SLPI: variants seen among roughly 807,000 people sequenced by gnomAD.
SLPI encodes the protein secretory leukocyte peptidase inhibitor.
Under a neutral mutation model 14.3 loss-of-function variants are expected in SLPI, and 20 were observed. The observed-to-expected ratio is 1.40, with a 90% CI of 0.99 to 2.04. The LOEUF (loss-of-function observed/expected upper bound fraction) is 2.04. SLPI is among the 30% of genes most tolerant of loss of function. The pLI, the probability that SLPI is intolerant of heterozygous loss-of-function variation, is 0.00. For missense variants in SLPI, 169 were observed against 159.4 expected (o/e 1.06, Z -0.32); for synonymous variants, 68 against 54.8 (o/e 1.24, Z -1.07).
Position 45,253,739 on chromosome 20 carries a change from G to A in SLPI, c.86-6C>T, listed in dbSNP as rs775325835. 6.2e-7 allele frequency: 1 copy of A among 1,613,086 alleles called. No homozygotes were observed. The highest frequency in any genetic ancestry group is 2.2e-5 in the East Asian group (1 of 44,874). On this transcript the variant is annotated splice_polypyrimidine_tract_variant and splice_region_variant and intron_variant, in intron 1 of 3. Coordinates refer to ENST00000338380, the MANE Select transcript of SLPI (RefSeq NM_003064.4). ...ACAGACTCCAGCTTTGAAGGCTTTTGAAGAGAAAGTCAAGAGGTCAGGAGG... is the reference window on the plus strand; with the variant it reads ...ACAGACTCCAGCTTTGAAGGCTTTTAAAGAGAAAGTCAAGAGGTCAGGAGG...
rs748550413 is a variant in SLPI, at chr20:45,254,479, GC to G, written c.64del (p.Ala22LeufsTer70). ...CTTACACTTTCCAGAGCCTTCCACA[GC>G]CCAAGGTGCCAGAGTTCCCAGGGCA... ...LLALGTLAPW[A>X]VEGSGKSFKA... On this transcript the variant is annotated frameshift_variant, in exon 1 of 4. Coordinates refer to ENST00000338380, the MANE Select transcript of SLPI (RefSeq NM_003064.4). LOFTEE classifies it high-confidence loss of function. 1.2e-6 allele frequency: 2 copies of G among 1,614,132 alleles called. No homozygotes were observed. Among genetic ancestry groups the G allele is most frequent in the Non-Finnish European group, 1.7e-6 (2 of 1,179,992 alleles).
At chr20:45,253,205 C>G in intron 2 of SLPI, 54 bp from the exon 3 acceptor site, 1 of 1,577,068 alleles carries the variant, frequency 6.3e-7, no homozygotes, top group African/African-American at 1.3e-5. Context: ...ACAACCCCTC[C>G]CATCCCCACT....
At position 45,254,440 on chromosome 20, in the gene SLPI, C is replaced by T; in HGVS notation, c.85+19G>A. Reference sequence around the variant, plus strand: ...TCTGACCCTGCAGCCCAGATTAGACCAGAGTGACTCCAACTTACACTTTCC... The same window carrying T: ...TCTGACCCTGCAGCCCAGATTAGACTAGAGTGACTCCAACTTACACTTTCC... On this transcript the variant is annotated intron_variant, in intron 1 of 3. Transcript: ENST00000338380. The T allele has an allele frequency of 6.2e-7, 1 of 1,611,416 alleles. No homozygotes were observed. Among genetic ancestry groups the T allele is most frequent in the Non-Finnish European group, 8.5e-7 (1 of 1,177,652 alleles).
At chr20:45,253,788 A>AT in intron 1 of SLPI, 55 bp from the exon 2 acceptor site, 1 of 1,534,794 alleles carries the variant, frequency 6.5e-7, no homozygotes, top group Middle Eastern at 1.9e-4. Flanking sequence ...AGGACCCATC[A>AT]TGCCTCCTGA....
Position 45,253,008 on chromosome 20 carries a change from C to A in SLPI, c.388G>T (p.Val130Leu). The A allele has an allele frequency of 6.2e-7, 1 of 1,613,874 alleles. No individual in the cohort carries two copies. Among genetic ancestry groups the A allele is most frequent in the Non-Finnish European group, 8.5e-7 (1 of 1,179,864 alleles). ...GCCCTCATCCCCTGCTTACCTTTCA[C>A]AGGGGAAACGCAGGATTTCCCACAC... The part of the protein sequence containing the change: ...GMCGKSCVSP[V>L]KA The change falls in exon 3 of 4, where the codon GTG (valine) becomes TTG (leucine). Residue 130 changes from valine to leucine, a missense_variant. By Grantham distance (32) the Val-to-Leu change is conservative. Transcript: ENST00000338380.
rs1186689192 is a variant in SLPI at position 45,252,242 on chromosome 20, A to G, written c.*173T>C. On this transcript the variant is annotated 3_prime_UTR_variant, in exon 4 of 4. Transcript: ENST00000338380. ...AACGAATCACAGAAGCAGGATGTGC[A>G]AAGAGAAATAGGCTCGTTTATTTAT... is the stretch of plus-strand genomic sequence containing the variant. 1.9e-5 allele frequency: 11 copies of G among 584,136 alleles called. No homozygotes were observed. Among genetic ancestry groups the G allele is most frequent in the East Asian group, 3.1e-5 (1 of 31,850 alleles). 36.2% of individuals were successfully genotyped at this position (584,136 alleles called of 1,614,324 possible).
rs774948330 is a variant in SLPI at position 45,253,087 on chromosome 20, A to C, written c.309T>G (p.Asn103Lys). Residue 103 changes from asparagine (N) to lysine (K), a missense_variant, in exon 3 of 4, where the codon AAT (asparagine) becomes AAG (lysine). Asn to Lys is a moderately conservative substitution (Grantham distance 94). Transcript: ENST00000338380. ...YGQCLMLNPPNFCEMDGQCKR... is the reference protein window; with the variant it reads ...YGQCLMLNPPKFCEMDGQCKR... ...TGCACTGGCCATCCATCTCACAGAA[A>C]TTGGGGGGGTTAAGCATCAAACATT... is the stretch of plus-strand genomic sequence containing the variant. 6.2e-7 allele frequency: 1 copy of C among 1,614,150 alleles called. No homozygotes were observed. Among genetic ancestry groups the C allele is most frequent in the South Asian group, 1.1e-5 (1 of 91,074 alleles).
chr20:45,252,903 G>A, intron 3 of SLPI, 99 bp downstream of exon 3: 1 of 1,279,108 alleles, frequency 7.8e-7, no homozygotes. Context: ...TGTGCTTGGA[G>A]TAGGGTTCAG....
Position 45,253,723 on chromosome 20 carries a change from A to G in SLPI, c.96T>C (p.Ala32=). 6.2e-7 allele frequency: 1 copy of G among 1,613,930 alleles called. No individual in the cohort carries two copies. Among genetic ancestry groups the G allele is most frequent in the Non-Finnish European group, 8.5e-7 (1 of 1,179,896 alleles). ...CAGATTTCTTAGGAGGACAGACTCCAGCTTTGAAGGCTTTTGAAGAGAAAG... is the reference window on the plus strand; with the variant it reads ...CAGATTTCTTAGGAGGACAGACTCCGGCTTTGAAGGCTTTTGAAGAGAAAG... ...AVEGSGKSFK[A]GVCPPKKSAQ... Residue 32 remains alanine, a synonymous_variant, in exon 2 of 4, where the codon GCT becomes GCC. Coordinates refer to ENST00000338380, the MANE Select transcript of SLPI (RefSeq NM_003064.4).
intron 3 of SLPI, 115 bp from the exon 4 acceptor site, chr20:45,252,534 T>G: frequency 3.4e-5 from 35 of 1,015,434 alleles, no homozygotes; most frequent in Non-Finnish European, 5.1e-5. Context: ...GATAGCGCTA[T>G]AGTTGAGAGA....
chr20:45,252,924 GC>G (rs1481850223), intron 3 of SLPI, 77 bp downstream of exon 3: 2 of 1,481,544 alleles, frequency 1.3e-6, no homozygotes, highest in Non-Finnish European at 1.9e-6. Flanking sequence ...GAGTCCCCCT[GC>G]CCATATGCCT....
At chr20:45,253,525 G>C in intron 2 of SLPI, 50 bp downstream of exon 2, 1 of 1,565,892 alleles carries the variant, frequency 6.4e-7, no homozygotes, top group South Asian at 1.2e-5. Flanking sequence ...TCCCTCTAAT[G>C]CTGTGTCCCC....
intron 1 of SLPI, 86 bp downstream of exon 1, chr20:45,254,373 C>A (rs1211129558): frequency 2.7e-6 from 3 of 1,111,186 alleles, no homozygotes; most frequent in Non-Finnish European, 1.3e-6. Context: ...GGGATCAGAG[C>A]CTACAGAAGG....
chr20:45,252,343 G>A lies in SLPI; in HGVS notation c.*72C>T, dbSNP rs1984685233. On this transcript the variant is annotated 3_prime_UTR_variant, in exon 4 of 4. Transcript: ENST00000338380. ...CCCAAAGGAGGATATCAGTGGTGGA[G>A]CCAAGTCTCAGGGTGGAAAGGACCT... 4.2e-5 allele frequency: 64 copies of A among 1,515,178 alleles called. No homozygotes were observed. The South Asian group carries it at 6.8e-4, about 16-fold the overall frequency. The allele number at this position is 1,515,178 out of a possible 1,614,324, so 93.9% of individuals were successfully genotyped here.
Position 45,254,509 on chromosome 20 carries a change from A to G in SLPI, c.35T>C (p.Leu12Pro), listed in dbSNP as rs184019207. 45 of 1,614,190 alleles carry G rather than the reference A, an allele frequency of 2.8e-5. No individual in the cohort carries two copies. In the East Asian group the frequency reaches 8.9e-4, roughly 32 times the overall value. ...KSSGLFPFLV[L>P]LALGTLAPWA... ...AGGTGCCAGAGTTCCCAGGGCAAGC[A>G]GCACCAGGAAGGGGAAGAGGCCGCT... The change falls in exon 1 of 4, where the codon CTG (leucine) becomes CCG (proline). Residue 12 changes from leucine (L) to proline (P), a missense_variant. Transcript: ENST00000338380.
rs1245928293 is a variant in SLPI at position 45,253,012 on chromosome 20, G to C, written c.384C>G (p.Ser128=). The change falls in exon 3 of 4, where the codon TCC becomes TCG. Residue 128 remains serine (S), a synonymous_variant. Transcript: ENST00000338380. ...TCATCCCCTGCTTACCTTTCACAGGGGAAACGCAGGATTTCCCACACATGC... is the reference window on the plus strand; with the variant it reads ...TCATCCCCTGCTTACCTTTCACAGGCGAAACGCAGGATTTCCCACACATGC... The part of the protein sequence containing the change: ...CMGMCGKSCV[S]PVKA 6.2e-7 allele frequency: 1 copy of C among 1,613,940 alleles called. No homozygotes were observed. The highest frequency in any genetic ancestry group is 1.7e-5 in the Admixed American group (1 of 59,996).
intron 1 of SLPI, 135 bp from the exon 2 acceptor site, chr20:45,253,868 C>A: frequency 1.4e-6 from 1 of 697,384 alleles, no homozygotes; most frequent in South Asian, 1.9e-5. Flanking sequence ...AAGGGTCATG[C>A]CTGCCTGATC....
rs763891127 is a variant in SLPI, at chr20:45,253,551, T to C, written c.244+24A>G. The C allele has an allele frequency of 6.2e-6, 10 of 1,607,020 alleles. No homozygotes were observed. The African/African-American group carries it at 9.3e-5, about 15-fold the overall frequency. ...CTGTGTCCCCAGGCTCACTCCTCTC[T>C]ACCCAGTTCCCCGACCTGCTTACTT... On this transcript the variant is annotated intron_variant, in intron 2 of 3. Coordinates refer to ENST00000338380, the MANE Select transcript of SLPI (RefSeq NM_003064.4).
intron 1 of SLPI, 56 bp downstream of exon 1, chr20:45,254,403 G>A (rs1424655588): frequency 2.7e-6 from 4 of 1,485,324 alleles, no homozygotes; most frequent in East Asian, 4.5e-5. Flanking sequence ...CACACCACAA[G>A]GAGACCCCAC....
Sources: allele counts gnomAD v4.1 joint callset, GRCh38; gene constraint gnomAD v4.1.1; transcripts MANE v1.5; gene names NCBI Gene and HGNC (gene_info 2026-07-23, HGNC 2026-07-21).